Variants in ACTL6A observed in about 807,000 individuals in gnomAD.
ACTL6A encodes actin like 6A.
Under a neutral mutation model 59.2 loss-of-function variants are expected in ACTL6A, and 5 were observed. That is an observed-to-expected ratio of 0.08 (90% CI 0.04 to 0.18). ACTL6A has a LOEUF of 0.18. ACTL6A is among the 10% of genes least tolerant of loss of function. ACTL6A has a pLI of 1.00. For synonymous variants in ACTL6A, 154 were observed against 171.8 expected (o/e 0.90, Z 0.81); for missense variants, 285 against 526.9 (o/e 0.54, Z 4.49).
chr3:179,587,846 CCTT>C (rs1576862322), intron 13 of ACTL6A, 81 bp from the exon 14 acceptor site: 5 of 1,014,290 alleles, frequency 4.9e-6, no homozygotes, highest in South Asian at 1.5e-5. Flanking sequence ...CAGAGCAAGA[CCTT>C]CTCTCAAAAA....
intron 8 of ACTL6A, among the ~76,000 whole-genome samples, chr3:179,577,997 T>C (rs1448650132): frequency 6.6e-6 from 1 of 152,218 alleles, no homozygotes; most frequent in Non-Finnish European, 1.5e-5. Flanking sequence ...CCTTTGGGTA[T>C]ATACCCAGTA....
At chr3:179,575,227 C>G (rs1718131318) in intron 5 of ACTL6A, 1 of 373,504 alleles carries the variant, frequency 2.7e-6, no homozygotes, top group Admixed American at 3.6e-5. Context: ...TCAGACCGTG[C>G]TGAGGTACTT....
intron 4 of ACTL6A, 38 bp downstream of exon 4, chr3:179,573,507 G>GTTTTTTTTTTTTTTTTTTTTTT: frequency 1.0e-6 from 1 of 962,820 alleles, no homozygotes; most frequent in Non-Finnish European, 1.4e-6. Context: ...TTCTCTAGTT[G>GTTTTTTTTTTTTTTTTTTTTTT]TTTTTTTTTT....
chr3:179,575,599 G>A (rs1718143835), intron 5 of ACTL6A: 2 of 373,774 alleles, frequency 5.4e-6, no homozygotes, highest in South Asian at 4.1e-5. Flanking sequence ...ATGAATGAGT[G>A]AATGTCCCTA....
In ACTL6A at chr3:179,570,587, A is replaced by G. The variant is rs1320078164; in HGVS notation, c.277+346A>G. ...CAGTGATGGTTTTCACAAAGGAGGT[A>G]ACATGATGAATCTTGATCAATGAGT... On this transcript the variant is annotated intron_variant, in intron 3 of 13. Transcript: ENST00000429709. This position sits in a 1 kb window ranked among gnomAD's most constrained non-coding sequence, Gnocchi z 4.3. Among the ~76,000 whole-genome samples the G allele has an allele frequency of 6.6e-6, 1 of 152,242 alleles. No homozygotes were observed. The highest frequency in any genetic ancestry group is 2.4e-5 in the African/African-American group (1 of 41,470).
chr3:179,563,186 G>T, intron 1 of ACTL6A, 69 bp downstream of exon 1: 2 of 1,548,312 alleles, frequency 1.3e-6, no homozygotes, highest in Non-Finnish European at 8.7e-7. Flanking sequence ...GCCGCTCCCA[G>T]CCCTCCCCTC....
chr3:179,580,976 C>G lies in ACTL6A; in HGVS notation c.913C>G (p.Pro305Ala). Residue 305 changes from proline (P) to alanine (A), a missense_variant, in exon 10 of 14, where the codon CCA becomes GCA. By Grantham distance (27) the Pro-to-Ala change is conservative. Transcript: ENST00000429709. ...TTTTGGTGCAGAGCGGCTAAAGATT[C>G]CAGAAGGATTATTTGACCCTTCCAA... is the stretch of plus-strand genomic sequence containing the variant. ...CDFGAERLKI[P>A]EGLFDPSNVK... is the part of the protein sequence containing the mutation. 6.3e-7 allele frequency: 1 copy of G among 1,585,830 alleles called. No homozygotes were observed. Among genetic ancestry groups the G allele is most frequent in the Non-Finnish European group, 8.5e-7 (1 of 1,173,430 alleles).
At chr3:179,571,314 A>G (rs1718000402) in intron 3 of ACTL6A, among the ~76,000 whole-genome samples, 1 of 151,768 alleles carries the variant, frequency 6.6e-6, no homozygotes, top group Non-Finnish European at 1.5e-5. Flanking sequence ...AATTCCAGCT[A>G]CTTGGGAGGC....
In ACTL6A at chr3:179,576,890, T is replaced by C; in HGVS notation, c.745T>C (p.Ser249Pro). The C allele has an allele frequency of 6.2e-7, 1 of 1,613,964 alleles. No individual in the cohort carries two copies. Among genetic ancestry groups the C allele is most frequent in the East Asian group, 2.2e-5 (1 of 44,868 alleles). Residue 249 changes from serine (S) to proline (P), a missense_variant, in exon 8 of 14, where the codon TCT becomes CCT. Coordinates refer to ENST00000429709, the MANE Select transcript of ACTL6A (RefSeq NM_004301.5). ...RKEKLPQVTR[S>P]WHNYMCNCVI... ...AGAGAAGTTGCCTCAGGTTACGAGG[T>C]CTTGGCACAATTATATGTGTAATGT...
chr3:179,575,201 T>G lies in ACTL6A; in HGVS notation c.476+734T>G, dbSNP rs189627716. On this transcript the variant is annotated intron_variant, in intron 5 of 13. Transcript: ENST00000429709. ...AAGCCAGAATCGTCTTCTACATTTC[T>G]TCCTTTATTTTACTTTCAGACCGTG... is the stretch of plus-strand genomic sequence containing the variant. 5.6e-5 allele frequency: 20 copies of G among 356,622 alleles called. No individual in the cohort carries two copies. The East Asian group carries it at 1.5e-3, about 27-fold the overall frequency. 22.1% of individuals were successfully genotyped at this position (356,622 alleles called of 1,614,324 possible).
chr3:179,574,657 G>C, intron 5 of ACTL6A, 190 bp downstream of exon 5: 1 of 501,776 alleles, frequency 2.0e-6, no homozygotes, highest in Non-Finnish European at 3.6e-6. Flanking sequence ...AAGGTATGAG[G>C]GAAATAAAAT....
At chr3:179,572,982 C>CTTTTT (rs71628083) in intron 3 of ACTL6A, among the ~76,000 whole-genome samples, 4 of 138,830 alleles carry the variant, frequency 2.9e-5, no homozygotes, top group Non-Finnish European at 3.1e-5. Context: ...ACAATTCTTT[C>CTTTTT]TTTTTTTTTT....
intron 12 of ACTL6A, 84 bp from the exon 13 acceptor site, chr3:179,586,462 T>TTATACAC: frequency 1.1e-6 from 1 of 924,918 alleles, no homozygotes; most frequent in Non-Finnish European, 1.5e-6. Flanking sequence ...ACCCTGTCTC[T>TTATACAC]ATTTGAAAAA....
chr3:179,576,780 T>G, intron 7 of ACTL6A, 44 bp from the exon 8 acceptor site: 1 of 1,607,706 alleles, frequency 6.2e-7, no homozygotes, highest in Non-Finnish European at 8.5e-7. Flanking sequence ...CCCCCACCCC[T>G]ATGAAGTGAA....
chr3:179,570,191 G>A lies in ACTL6A; in HGVS notation c.227G>A (p.Arg76His), dbSNP rs756395345. 24 of 1,613,988 alleles carry A rather than the reference G, an allele frequency of 1.5e-5. No individual in the cohort carries two copies. The highest frequency in any genetic ancestry group is 1.7e-4 in the Middle Eastern group (1 of 6,060). ...PTYYIDTNAL[R>H]VPRENMEAIS... is the part of the protein sequence containing the mutation. ...TACTACATAGATACTAATGCTCTGC[G>A]TGTTCCGAGGGAGAATATGGAGGCC... The change falls in exon 3 of 14, where the codon CGT (arginine) becomes CAT (histidine). Residue 76 changes from arginine (R) to histidine (H), a missense_variant. Coordinates refer to ENST00000429709, the MANE Select transcript of ACTL6A (RefSeq NM_004301.5). This position sits in a 1 kb window ranked among gnomAD's most constrained non-coding sequence, Gnocchi z 4.3.
Position 179,563,133 on chromosome 3 carries a change from C to T in ACTL6A, c.25+16C>T, listed in dbSNP as rs755541649. On this transcript the variant is annotated intron_variant, in intron 1 of 13. Coordinates refer to ENST00000429709, the MANE Select transcript of ACTL6A (RefSeq NM_004301.5). ...TACGGGGGAGGTGAGTGAGTGCGGC[C>T]GGACGAGAGAGCGCGCCTTTTCGGC... 6 of 1,611,020 alleles carry T rather than the reference C, an allele frequency of 3.7e-6. No homozygotes were observed. Among genetic ancestry groups the T allele is most frequent in the Non-Finnish European group, 4.2e-6 (5 of 1,178,880 alleles).
Position 179,562,957 on chromosome 3 carries a change from C to T in ACTL6A, c.-136C>T. On this transcript the variant is annotated 5_prime_UTR_variant, in exon 1 of 14. Coordinates refer to ENST00000429709, the MANE Select transcript of ACTL6A (RefSeq NM_004301.5). ...GGCTGAGCTCCGGGGTGTGTGGACGCCGCTTTGTTGCCTGAGGTGGGTGGC... is the reference window on the plus strand; with the variant it reads ...GGCTGAGCTCCGGGGTGTGTGGACGTCGCTTTGTTGCCTGAGGTGGGTGGC... The T allele has an allele frequency of 3.4e-6, 4 of 1,191,858 alleles. No homozygotes were observed. The highest frequency in any genetic ancestry group is 4.8e-6 in the Non-Finnish European group (4 of 831,682). The allele number at this position is 1,191,858 out of a possible 1,614,324, so 73.8% of individuals were successfully genotyped here.
At chr3:179,575,314 C>T in intron 5 of ACTL6A, 1 of 451,162 alleles carries the variant, frequency 2.2e-6, no homozygotes, top group East Asian at 6.9e-5. Context: ...TATTCCCTTC[C>T]CCAGATTTTA....
intron 8 of ACTL6A, among the ~76,000 whole-genome samples, chr3:179,578,162 T>A (rs1333625818): frequency 6.6e-6 from 1 of 152,106 alleles, no homozygotes; most frequent in Admixed American, 6.5e-5. Context: ...ACAGAAAAAT[T>A]AGCTAAGTGG....
Sources: allele counts gnomAD v4.1 joint callset (sites outside exome capture counted in the v4.1 genomes callset), GRCh38; gene constraint gnomAD v4.1.1; non-coding constraint Gnocchi (gnomAD v3.1); transcripts MANE v1.5; gene names NCBI Gene and HGNC (gene_info 2026-07-23, HGNC 2026-07-21).